The following NNMT variants were observed in gnomAD, a reference collection of about 807,000 sequenced individuals.
NNMT encodes nicotinamide N-methyltransferase.
Under a neutral mutation model 11.7 loss-of-function variants are expected in NNMT, and 10 were observed. That is an observed-to-expected ratio of 0.85 (90% confidence interval 0.53 to 1.45). The LOEUF is 1.45. Ranked by LOEUF, NNMT falls within the 40% of genes most tolerant of loss-of-function variation. The pLI, the probability that NNMT is intolerant of heterozygous loss-of-function variation, is 0.00. For missense variants in NNMT, 381 were observed against 319.4 expected (o/e 1.19, Z -1.47); for synonymous variants, 143 against 133.8 (o/e 1.07, Z -0.48).
At chr11:114,278,479 G>T (rs768253814) in intron 2 of NNMT, among the ~76,000 whole-genome samples, 5 of 152,114 alleles carry the variant, frequency 3.3e-5, no homozygotes, top group African/African-American at 1.2e-4. Flanking sequence ...TAGGTACAAA[G>T]GTTGTGGCAC....
At chr11:114,264,942 C>G (rs1945108954) in intron 2 of NNMT, among the ~76,000 whole-genome samples, 1 of 152,228 alleles carries the variant, frequency 6.6e-6, no homozygotes, top group African/African-American at 2.4e-5. Flanking sequence ...TCTGGAAGCT[C>G]TCTGAACCCT....
At position 114,300,558 on chromosome 11, in the gene NNMT, A is replaced by C. The variant is rs369557745; in HGVS notation, c.362+2400A>C. 2.6e-4 allele frequency among the ~76,000 whole-genome samples: 40 copies of C among 151,542 alleles called. 1 individual carries two copies. The highest frequency in any genetic ancestry group is 2.6e-3 in the Admixed American group (39 of 15,180). ...TCAGGCAGGTTGATAGTATCATTCA[A>C]ATTTTCTACATCCTTACTGACGTTT... On this transcript the variant is annotated intron_variant, in intron 2 of 2. Transcript: ENST00000299964.
intron 2 of NNMT, chr11:114,269,470 C>G (rs756571980): frequency 6.6e-6 from 1 of 152,158 alleles, no homozygotes; most frequent in Non-Finnish European, 1.5e-5. Flanking sequence ...AGTTCTTGTC[C>G]GAATCTCAAA....
chr11:114,308,100 C>G (rs1945509147), intron 2 of NNMT, among the ~76,000 whole-genome samples: 1 of 152,028 alleles, frequency 6.6e-6, no homozygotes, highest in African/African-American at 2.4e-5. Flanking sequence ...AGTAGAGGTT[C>G]AAAACATATT....
At position 114,312,300 on chromosome 11, in the gene NNMT, T is replaced by C; in HGVS notation, c.618T>C (p.Ile206=). Residue 206 remains isoleucine, a synonymous_variant, in exon 3 of 3, where the codon ATT becomes ATC. Transcript: ENST00000299964. ...CGCTCAAGAGCAGCTACTACATGAT[T>C]GGTGAGCAGAAGTTCTCCAGCCTCC... ...MDALKSSYYM[I]GEQKFSSLPL... 2 of 1,614,182 alleles carry C rather than the reference T, an allele frequency of 1.2e-6. No individual in the cohort carries two copies. Among genetic ancestry groups the C allele is most frequent in the South Asian group, 2.2e-5 (2 of 91,078 alleles).
At chr11:114,284,356 G>A (rs1945281406) in intron 2 of NNMT, among the ~76,000 whole-genome samples, 1 of 152,226 alleles carries the variant, frequency 6.6e-6, no homozygotes, top group Non-Finnish European at 1.5e-5. Context: ...GACACCTCGT[G>A]GCTGGACTAT....
chr11:114,267,757 G>C (rs1409499146), intron 2 of NNMT, among the ~76,000 whole-genome samples: 1 of 151,948 alleles, frequency 6.6e-6, no homozygotes, highest in Non-Finnish European at 1.5e-5. Flanking sequence ...ACATCGTGTT[G>C]TTTCACCACG....
In NNMT at chr11:114,284,710, C is replaced by T. The variant is rs574188374; in HGVS notation, c.-129-11718C>T. 6.6e-5 allele frequency among the ~76,000 whole-genome samples: 10 copies of T among 151,518 alleles called. No homozygotes were observed. In the South Asian group the frequency reaches 8.4e-4, roughly 13 times the overall value. Reference sequence around the variant, plus strand: ...ATCTCCTGACCTTGTGATATGCCCACCTTGGCCTCCCAAAGTGCTGAGATG... The same window carrying T: ...ATCTCCTGACCTTGTGATATGCCCATCTTGGCCTCCCAAAGTGCTGAGATG... On this transcript the variant is annotated intron_variant, in intron 2 of 4. Coordinates refer to the NNMT transcript ENST00000535401.
intron 2 of NNMT, among the ~76,000 whole-genome samples, chr11:114,271,774 AC>A (rs1480662569): frequency 3.3e-5 from 5 of 152,202 alleles, no homozygotes; most frequent in Admixed American, 6.5e-5. Context: ...CCCAATGAAG[AC>A]ATCTTCATCC....
At position 114,296,462 on chromosome 11, in the gene NNMT, T is replaced by G; in HGVS notation, c.-95T>G. 1 of 1,351,986 alleles carries G rather than the reference T, an allele frequency of 7.4e-7. No individual in the cohort carries two copies. Among genetic ancestry groups the G allele is most frequent in the Non-Finnish European group, 1.0e-6 (1 of 981,160 alleles). The allele number at this position is 1,351,986 out of a possible 1,614,324, so 83.7% of individuals were successfully genotyped here. ...ACTGATGGAAGGAATGCTGTTAGCC[T>G]GAGACTCAGGAAGACAACTTCTGCA... On this transcript the variant is annotated 5_prime_UTR_variant, in exon 1 of 3. It removes the in-frame stop codon of an upstream open reading frame in the 5' UTR. Coordinates refer to ENST00000299964, the MANE Select transcript of NNMT (RefSeq NM_006169.3).
Position 114,298,044 on chromosome 11 carries a change from T to A in NNMT, c.248T>A (p.Val83Asp). ...TGTGAATCCTTTAAGGAGATCGTCG[T>A]CACTGACTACTCAGACCAGAACCTG... ...SACESFKEIV[V>D]TDYSDQNLQE... is the part of the protein sequence containing the mutation. The change falls in exon 2 of 3, where the codon GTC becomes GAC. Residue 83 changes from valine to aspartate, a missense_variant. Coordinates refer to ENST00000299964, the MANE Select transcript of NNMT (RefSeq NM_006169.3). 1 of 1,614,092 alleles carries A rather than the reference T, an allele frequency of 6.2e-7. No homozygotes were observed. The highest frequency in any genetic ancestry group is 8.5e-7 in the Non-Finnish European group (1 of 1,180,032).
intron 2 of NNMT, among the ~76,000 whole-genome samples, chr11:114,291,021 G>A (rs932902194): frequency 1.3e-5 from 2 of 152,074 alleles, no homozygotes; most frequent in African/African-American, 4.8e-5. Context: ...TGTCTAGGAG[G>A]GAATTGCTTT....
chr11:114,277,973 T>A (rs1424310665), intron 2 of NNMT, among the ~76,000 whole-genome samples: 1 of 152,230 alleles, frequency 6.6e-6, no homozygotes, highest in Non-Finnish European at 1.5e-5. Context: ...AGTTCTGACA[T>A]CGGTAGTTTT....
intron 2 of NNMT, 129 bp from the exon 3 acceptor site, chr11:114,311,916 C>T: frequency 1.1e-6 from 1 of 896,860 alleles, no homozygotes; most frequent in African/African-American, 1.7e-5. Context: ...TCTTTCTCTC[C>T]TTTCCCGATA....
chr11:114,298,891 T>C (rs2135273033), intron 2 of NNMT, among the ~76,000 whole-genome samples: 2 of 152,314 alleles, frequency 1.3e-5, no homozygotes, highest in Middle Eastern at 3.4e-3. Context: ...TTCACTGTCT[T>C]TCTCATATCC....
chr11:114,279,149 G>A (rs778509096), intron 2 of NNMT, among the ~76,000 whole-genome samples: 3 of 152,182 alleles, frequency 2.0e-5, no homozygotes, highest in Admixed American at 6.5e-5. Flanking sequence ...GGCCCAGTGT[G>A]AGTAGGTATT....
chr11:114,300,939 C>T (rs919550365), intron 2 of NNMT, among the ~76,000 whole-genome samples: 1 of 152,174 alleles, frequency 6.6e-6, no homozygotes, highest in Admixed American at 6.5e-5. Flanking sequence ...TGTGTAATCC[C>T]CTTCCCTAGA....
At chr11:114,265,570 G>A (rs1423230893) in intron 2 of NNMT, among the ~76,000 whole-genome samples, 7 of 152,130 alleles carry the variant, frequency 4.6e-5, no homozygotes, top group East Asian at 1.9e-4. Context: ...CCCTGGCCAC[G>A]TTTGAAGTGA....
At chr11:114,307,218 C>G (rs1945500773) in intron 2 of NNMT, among the ~76,000 whole-genome samples, 1 of 152,152 alleles carries the variant, frequency 6.6e-6, no homozygotes, top group African/African-American at 2.4e-5. Flanking sequence ...GGTCTCAGAG[C>G]ACTTCAAACT....
Sources: gnomAD v4.1 joint callset for allele counts (sites outside exome capture counted in the v4.1 genomes callset) on GRCh38, gnomAD v4.1.1 for gene constraint, MANE v1.5 for transcripts, NCBI Gene and HGNC (gene_info 2026-07-23, HGNC 2026-07-21) for gene names.